GABBR2: variants seen among roughly 807,000 people sequenced by gnomAD.
GABBR2 encodes the protein gamma-aminobutyric acid type B receptor subunit 2.
Under a neutral mutation model 105.6 loss-of-function variants are expected in GABBR2, and 23 were observed. That is an observed-to-expected ratio of 0.22 (90% confidence interval 0.16 to 0.31). The LOEUF is 0.31. Among genes scored for constraint, GABBR2 ranks in the 10% least tolerant of loss-of-function variants. GABBR2 has a pLI of 1.00. For missense variants in GABBR2, 734 were observed against 1,245.5 expected (o/e 0.59, Z 6.18); for synonymous variants, 478 against 499.7 (o/e 0.96, Z 0.58).
chr9:98,602,255 T>C (rs1413966940), intron 1 of GABBR2, among the ~76,000 whole-genome samples: 2 of 151,478 alleles, frequency 1.3e-5, no homozygotes, highest in African/African-American at 4.8e-5. Context: ...AGATGGATCA[T>C]GAGGTCAGGA....
intron 6 of GABBR2, among the ~76,000 whole-genome samples, chr9:98,461,213 T>G (rs1211575934): frequency 1.3e-5 from 2 of 152,004 alleles, no homozygotes; most frequent in Non-Finnish European, 2.9e-5. Flanking sequence ...AAAAAAGTAA[T>G]AGGAAGTGTA....
chr9:98,614,420 G>A (rs1829549805), intron 1 of GABBR2, among the ~76,000 whole-genome samples: 1 of 152,166 alleles, frequency 6.6e-6, no homozygotes, highest in Admixed American at 6.5e-5. Context: ...AGCTACTTGG[G>A]AAGCTGAGGC....
chr9:98,578,033 T>C lies in GABBR2; in HGVS notation c.361A>G (p.Ile121Val), dbSNP rs1828945276. The stretch of plus-strand genomic sequence containing the variant: ...ATCAAGTGGTTAGGCCCGTATTTTA[T>C]TGCATCGTAGAAGGCTTTCAACCCT... The part of the protein sequence containing the change: ...AKGLKAFYDA[I>V]KYGPNHLMVF... Residue 121 changes from isoleucine (I) to valine (V), a missense_variant, in exon 2 of 19, where the codon ATA (isoleucine) becomes GTA (valine). Physicochemically the swap from Ile to Val is conservative, Grantham distance 29. Transcript: ENST00000259455. The C allele has an allele frequency of 3.1e-6, 5 of 1,613,950 alleles. No individual in the cohort carries two copies. Among genetic ancestry groups the C allele is most frequent in the African/African-American group, 1.3e-5 (1 of 74,930 alleles).
intron 6 of GABBR2, among the ~76,000 whole-genome samples, chr9:98,458,960 G>A (rs897346167): frequency 5.3e-5 from 8 of 152,202 alleles, no homozygotes; most frequent in African/African-American, 1.9e-4. Context: ...AGCTCACTAT[G>A]CCTCTCAGGC....
intron 1 of GABBR2, among the ~76,000 whole-genome samples, chr9:98,621,505 G>C (rs1176990118): frequency 6.6e-6 from 1 of 152,200 alleles, no homozygotes; most frequent in African/African-American, 2.4e-5. Flanking sequence ...AGTGTTCACA[G>C]AGCGCAAAAC....
At chr9:98,528,431 A>T (rs1828002983) in intron 3 of GABBR2, among the ~76,000 whole-genome samples, 1 of 152,196 alleles carries the variant, frequency 6.6e-6, no homozygotes, top group Non-Finnish European at 1.5e-5. Context: ...CTTGTCAAGC[A>T]TAATGGAAAG....
At chr9:98,557,922 T>C (rs1437230231) in intron 2 of GABBR2, among the ~76,000 whole-genome samples, 1 of 152,122 alleles carries the variant, frequency 6.6e-6, no homozygotes, top group East Asian at 1.9e-4. Flanking sequence ...GGATTACAGG[T>C]TCATCAAAGA....
At chr9:98,672,595 C>A (rs1010911451) in intron 1 of GABBR2, among the ~76,000 whole-genome samples, 19 of 152,268 alleles carry the variant, frequency 1.2e-4, no homozygotes, top group African/African-American at 4.6e-4. Context: ...GTGACCCAGA[C>A]TGCAAGACCT....
intron 13 of GABBR2, among the ~76,000 whole-genome samples, chr9:98,359,050 T>C (rs1831536872): frequency 1.3e-5 from 2 of 152,158 alleles, no homozygotes; most frequent in South Asian, 4.1e-4. Context: ...ACAGGATTAT[T>C]ATAAAGATTA....
intron 6 of GABBR2, among the ~76,000 whole-genome samples, chr9:98,462,781 A>T (rs1015139421): frequency 8.5e-5 from 13 of 152,220 alleles, no homozygotes; most frequent in Non-Finnish European, 1.8e-4. Flanking sequence ...GGCTACTCTG[A>T]CTCAGAATTC....
chr9:98,395,105 G>A (rs1375876338), intron 8 of GABBR2, among the ~76,000 whole-genome samples: 1 of 152,198 alleles, frequency 6.6e-6, no homozygotes, highest in Non-Finnish European at 1.5e-5. Flanking sequence ...TAAAGATGAT[G>A]AGGACTGGCC....
At chr9:98,314,104 A>T (rs959570985) in intron 13 of GABBR2, among the ~76,000 whole-genome samples, 1 of 152,104 alleles carries the variant, frequency 6.6e-6, no homozygotes, top group African/African-American at 2.4e-5. Flanking sequence ...TAGAGGGGAT[A>T]ATGTGGTTTC....
intron 3 of GABBR2, among the ~76,000 whole-genome samples, chr9:98,532,692 T>C (rs1374694663): frequency 6.6e-6 from 1 of 152,260 alleles, no homozygotes; most frequent in East Asian, 1.9e-4. Context: ...GCTGAGCCCA[T>C]CCCACAGTGT....
chr9:98,633,302 A>C (rs796583654), intron 1 of GABBR2, among the ~76,000 whole-genome samples: 81 of 152,112 alleles, frequency 5.3e-4, no homozygotes, highest in African/African-American at 1.8e-3. Flanking sequence ...CAAAACTCTT[A>C]ATGTCTTCTC....
At chr9:98,609,025 G>A (rs1829468916) in intron 1 of GABBR2, among the ~76,000 whole-genome samples, 1 of 152,074 alleles carries the variant, frequency 6.6e-6, no homozygotes, top group Non-Finnish European at 1.5e-5. Flanking sequence ...TGGGAATCAC[G>A]GCCTCTTGAA....
intron 7 of GABBR2, among the ~76,000 whole-genome samples, chr9:98,409,331 T>G (rs773786836): frequency 6.6e-6 from 1 of 152,176 alleles, no homozygotes; most frequent in Non-Finnish European, 1.5e-5. Context: ...GGGTACAGAA[T>G]GGATGGTAGT....
chr9:98,486,701 G>A (rs1314657434), intron 4 of GABBR2, among the ~76,000 whole-genome samples: 2 of 152,198 alleles, frequency 1.3e-5, no homozygotes, highest in African/African-American at 2.4e-5. Context: ...AACCCCTAAG[G>A]CAGCTGAGCT....
At chr9:98,497,818 AT>A (rs1047484887) in intron 3 of GABBR2, among the ~76,000 whole-genome samples, 9 of 152,246 alleles carry the variant, frequency 5.9e-5, no homozygotes, top group African/African-American at 2.2e-4. Context: ...GGAAAACAGT[AT>A]AGCAGCCCCT....
rs1830559468 is a variant in GABBR2 at position 98,306,835 on chromosome 9, A to T, written c.2005-490T>A. Among the ~76,000 whole-genome samples the T allele has an allele frequency of 6.6e-6, 1 of 152,220 alleles. No individual in the cohort carries two copies. On this transcript the variant is annotated intron_variant, in intron 14 of 18. Coordinates refer to ENST00000259455, the MANE Select transcript of GABBR2 (RefSeq NM_005458.8). This position sits in a 1 kb window ranked among gnomAD's most constrained non-coding sequence, Gnocchi z 5.4. ...ACTTCTATTGTCCCCAAGCACACAC[A>T]GACACCCAGAATAGCGACTACATTT...
Sources: allele counts gnomAD v4.1 joint callset (sites outside exome capture counted in the v4.1 genomes callset), GRCh38; gene constraint gnomAD v4.1.1; non-coding constraint Gnocchi (gnomAD v3.1); transcripts MANE v1.5; gene names NCBI Gene and HGNC (gene_info 2026-07-23, HGNC 2026-07-21).